The following CACNA1C variants were observed in gnomAD, a reference collection of about 807,000 sequenced individuals.
The protein encoded by CACNA1C is calcium voltage-gated channel subunit alpha1 C.
A neutral mutation model predicts 229.0 loss-of-function variants in CACNA1C; 30 were observed. The observed-to-expected ratio is 0.13, with a 90% CI of 0.10 to 0.18. The LOEUF is 0.18. CACNA1C is among the 10% of genes least tolerant of loss of function. CACNA1C has a pLI of 1.00. For synonymous variants in CACNA1C, 1,114 were observed against 1,132.5 expected (o/e 0.98, Z 0.33); for missense variants, 1,658 against 2,845.0 (o/e 0.58, Z 9.49).
In CACNA1C at chr12:2,504,322, A is replaced by G; in HGVS notation, c.1114-520A>G. On this transcript the variant is annotated intron_variant, in intron 7 of 46. Transcript: ENST00000399655. The surrounding 1 kb of genome is among the most constrained non-coding windows in gnomAD (Gnocchi z 6.8). ...CACGGGTAACCTGGTGCACATGAAC[A>G]AAGCCCACGTTCAGCCCCGTCTGTC... 1 of 676,604 alleles carries G rather than the reference A, an allele frequency of 1.5e-6. No homozygotes were observed. 41.9% of individuals were successfully genotyped at this position (676,604 alleles called of 1,614,324 possible). A position where few individuals can be genotyped will look rare whatever the true frequency, so the allele number is the denominator to read the frequency against.
chr12:2,376,904 G>A (rs1567324427), intron 3 of CACNA1C, among the ~76,000 whole-genome samples: 1 of 152,306 alleles, frequency 6.6e-6, no homozygotes, highest in African/African-American at 2.4e-5. Flanking sequence ...AAGCATGCTC[G>A]CTACGCCCAC....
At chr12:1,984,778 TAAAAA>T (rs764705302) in intron 1 of CACNA1C, among the ~76,000 whole-genome samples, 1 of 81,344 alleles carries the variant, frequency 1.2e-5, no homozygotes, top group African/African-American at 4.9e-5. Context: ...GGTCTTCTGG[TAAAAA>T]AAAAAAAAAA....
intron 3 of CACNA1C, among the ~76,000 whole-genome samples, chr12:2,161,311 T>A (rs1314019465): frequency 6.6e-6 from 1 of 152,318 alleles, no homozygotes; most frequent in East Asian, 1.9e-4. Context: ...CACTGCATGC[T>A]ACTTAGTTAT....
intron 3 of CACNA1C, among the ~76,000 whole-genome samples, chr12:2,254,296 T>G (rs912205683): frequency 6.6e-6 from 1 of 152,138 alleles, no homozygotes; most frequent in African/African-American, 2.4e-5. Context: ...CCCCAGACTC[T>G]GTCTGTCAGT....
rs776707063 is a variant in CACNA1C, at chr12:2,504,587, T to C, written c.1114-255T>C. 5.8e-5 allele frequency: 68 copies of C among 1,165,634 alleles called. No homozygotes were observed. The highest frequency in any genetic ancestry group is 1.9e-4 in the Middle Eastern group (1 of 5,218). 72.2% of individuals were successfully genotyped at this position (1,165,634 alleles called of 1,614,324 possible). A position where few individuals can be genotyped will look rare whatever the true frequency, so the allele number is the denominator to read the frequency against. ...CTCTCCACAACGCAGCCGAGCAAGG[T>C]CTCAGGTTCCACTCCGTACATGCCC... On this transcript the variant is annotated intron_variant, in intron 7 of 46. Coordinates refer to ENST00000399655, the MANE Select transcript of CACNA1C (RefSeq NM_000719.7). The surrounding 1 kb of genome is among the most constrained non-coding windows in gnomAD (Gnocchi z 6.8).
Position 2,467,681 on chromosome 12 carries a change from G to T in CACNA1C, c.757+9975G>T, listed in dbSNP as rs1365988751. ...TGGGTCCCACGCCCAGCCCCGCCCT[G>T]CCCCTTAGCACCTGCCAGGCCCACC... On this transcript the variant is annotated intron_variant, in intron 5 of 46. Transcript: ENST00000399655. The surrounding 1 kb of genome is among the most constrained non-coding windows in gnomAD (Gnocchi z 4.6). 2.0e-5 allele frequency among the ~76,000 whole-genome samples: 3 copies of T among 152,098 alleles called. No individual in the cohort carries two copies. Among genetic ancestry groups the T allele is most frequent in the Non-Finnish European group, 2.9e-5 (2 of 67,992 alleles).
Position 2,327,667 on chromosome 12 carries a change from T to C in CACNA1C, c.478-121309T>C, listed in dbSNP as rs193231700. On this transcript the variant is annotated intron_variant, in intron 3 of 46. Coordinates refer to ENST00000399655, the MANE Select transcript of CACNA1C (RefSeq NM_000719.7). ...CTGATTGGCTAAGCTTACCTTGTGG[T>C]TGGTTGACAAATGACTAGGAAATGG... Among the ~76,000 whole-genome samples, 8 of 152,294 alleles carry C rather than the reference T, an allele frequency of 5.3e-5. No individual in the cohort carries two copies. In the East Asian group the frequency reaches 1.5e-3, roughly 29 times the overall value.
At chr12:2,060,714 A>G (rs543071172) in intron 1 of CACNA1C, among the ~76,000 whole-genome samples, 2 of 152,290 alleles carry the variant, frequency 1.3e-5, no homozygotes, top group Non-Finnish European at 2.9e-5. Context: ...TCAAGCTGCC[A>G]ATTTGCCAAC....
intron 3 of CACNA1C, among the ~76,000 whole-genome samples, chr12:2,341,183 A>G (rs2154521648): frequency 6.6e-6 from 1 of 152,232 alleles, no homozygotes; most frequent in Non-Finnish European, 1.5e-5. Context: ...GTGCTGGGGC[A>G]CTGGTCACAC....
At chr12:2,485,950 C>T (rs1449420890) in intron 5 of CACNA1C, among the ~76,000 whole-genome samples, 154 bp from the exon 6 acceptor site, 5 of 152,244 alleles carry the variant, frequency 3.3e-5, no homozygotes, top group African/African-American at 1.2e-4. Context: ...CCTGCACCAT[C>T]AGTCCTTGGC....
At chr12:2,681,990 A>T in intron 42 of CACNA1C, 1 of 1,611,766 alleles carries the variant, frequency 6.2e-7, no homozygotes, top group Non-Finnish European at 8.5e-7. Flanking sequence ...GGAGCTCAGG[A>T]GGGATTCAGG....
intron 1 of CACNA1C, among the ~76,000 whole-genome samples, chr12:2,066,864 A>G (rs2059436434): frequency 6.6e-6 from 1 of 151,786 alleles, no homozygotes. Flanking sequence ...GCTGGAAAGG[A>G]GGACAGGAGG....
intron 3 of CACNA1C, among the ~76,000 whole-genome samples, chr12:2,299,417 A>G (rs2094377443): frequency 6.6e-6 from 1 of 152,060 alleles, no homozygotes; most frequent in South Asian, 2.1e-4. Flanking sequence ...CCAGCTGTGT[A>G]CCATTTCCTG....
intron 5 of CACNA1C, among the ~76,000 whole-genome samples, chr12:2,477,713 G>C (rs547279338): frequency 1.3e-5 from 2 of 152,110 alleles, no homozygotes; most frequent in Non-Finnish European, 2.9e-5. Context: ...CAGCCTCTCC[G>C]AGTGGTCCTT....
chr12:2,494,096 G>A (rs1471466461), intron 7 of CACNA1C, among the ~76,000 whole-genome samples: 1 of 151,940 alleles, frequency 6.6e-6, no homozygotes, highest in Non-Finnish European at 1.5e-5. Flanking sequence ...CATGAGACAT[G>A]GTGGTTTGTT....
rs115442272 is a variant in CACNA1C, at chr12:2,256,673, C to T, written c.477+136243C>T. Reference sequence around the variant, plus strand: ...TCCAGGGGTAGAGAAATGAGGACATCGGCAGGTCAGCATTGCAGCCACATC... The same window carrying T: ...TCCAGGGGTAGAGAAATGAGGACATTGGCAGGTCAGCATTGCAGCCACATC... On this transcript the variant is annotated intron_variant, in intron 3 of 46. Coordinates refer to ENST00000399655, the MANE Select transcript of CACNA1C (RefSeq NM_000719.7). Among the ~76,000 whole-genome samples, 1,302 of 152,124 alleles carry T rather than the reference C, an allele frequency of 8.6e-3. 18 individuals are homozygous for T. The highest frequency in any genetic ancestry group is 0.03 in the African/African-American group (1,247 of 41,486).
chr12:2,250,235 C>G (rs1034180207), intron 3 of CACNA1C, among the ~76,000 whole-genome samples: 1 of 152,210 alleles, frequency 6.6e-6, no homozygotes, highest in Non-Finnish European at 1.5e-5. Flanking sequence ...CTGTGCTCCA[C>G]CTGGCCAGCA....
intron 3 of CACNA1C, among the ~76,000 whole-genome samples, chr12:2,379,289 G>A (rs1251798698): frequency 6.6e-6 from 1 of 152,216 alleles, no homozygotes; most frequent in Non-Finnish European, 1.5e-5. Flanking sequence ...ATGTAACGGT[G>A]ATGATAGGCT....
intron 3 of CACNA1C, among the ~76,000 whole-genome samples, chr12:2,232,951 T>C (rs899247936): frequency 6.6e-5 from 10 of 152,204 alleles, no homozygotes; most frequent in Non-Finnish European, 1.3e-4. Context: ...TCAAGTGTTT[T>C]CTTGCTTTGG....
Sources: allele counts gnomAD v4.1 joint callset (sites outside exome capture counted in the v4.1 genomes callset), GRCh38; gene constraint gnomAD v4.1.1; non-coding constraint Gnocchi (gnomAD v3.1); transcripts MANE v1.5; gene names NCBI Gene and HGNC (gene_info 2026-07-23, HGNC 2026-07-21).